The following KIR2DL1 variants were observed in gnomAD, a reference collection of about 807,000 sequenced individuals.
KIR2DL1 encodes killer cell immunoglobulin-like receptor 2DL1.
Under a neutral mutation model 33.9 loss-of-function variants are expected in KIR2DL1, and 38 were observed. That is an observed-to-expected ratio of 1.12 (90% CI 0.86 to 1.47). KIR2DL1 has a LOEUF of 1.47. Ranked by LOEUF, KIR2DL1 falls within the 40% of genes most tolerant of loss-of-function variation. The pLI, the probability that KIR2DL1 is intolerant of heterozygous loss-of-function variation, is 0.00. For missense variants in KIR2DL1, 531 were observed against 433.9 expected (o/e 1.22, Z -1.99); for synonymous variants, 179 against 165.9 (o/e 1.08, Z -0.61).
intron 3 of KIR2DL1, among the ~76,000 whole-genome samples, chr19:54,774,235 G>A (rs1374329811): frequency 2.0e-5 from 3 of 148,474 alleles, no homozygotes; most frequent in Non-Finnish European, 4.5e-5. Context: ...ATCAGTGAGA[G>A]GCACAGAGAG....
intron 4 of KIR2DL1, among the ~76,000 whole-genome samples, chr19:54,777,653 G>C (rs1344194465): frequency 2.1e-4 from 31 of 146,004 alleles, no homozygotes; most frequent in African/African-American, 6.8e-4. Context: ...ATTTTTAGCA[G>C]TGCTGAAGTT....
chr19:54,773,692 A>C (rs34434532), intron 3 of KIR2DL1, 60 bp downstream of exon 3: 454,216 of 1,439,230 alleles, frequency 0.32, 58,174 homozygotes, highest in South Asian at 0.46. Context: ...TGATCCAGGA[A>C]TTGGAGACCC....
In KIR2DL1 at chr19:54,783,999, C is replaced by T. The variant is rs1386521866; in HGVS notation, c.*186C>T. ...TCTTGCTTACAAATGTCTAAGGTCC[C>T]CACTGCCTGCTGGAGAAAAAACACA... On this transcript the variant is annotated 3_prime_UTR_variant, in exon 8 of 8. Transcript: ENST00000336077. 1.5e-5 allele frequency: 14 copies of T among 948,640 alleles called. No homozygotes were observed. The East Asian group carries it at 2.7e-4, about 18-fold the overall frequency. 58.8% of individuals were successfully genotyped at this position (948,640 alleles called of 1,614,324 possible).
At chr19:54,777,558 T>C (rs1251868187) in intron 4 of KIR2DL1, among the ~76,000 whole-genome samples, 3 of 149,694 alleles carry the variant, frequency 2.0e-5, no homozygotes, top group African/African-American at 4.9e-5. Context: ...GCTTCTTATA[T>C]TTCTAGTTAT....
chr19:54,776,137 G>A (rs1230781383), intron 4 of KIR2DL1, among the ~76,000 whole-genome samples: 2 of 144,264 alleles, frequency 1.4e-5, no homozygotes, highest in East Asian at 2.0e-4. Flanking sequence ...TGATCCACCC[G>A]CATCAGCCTC....
At chr19:54,772,670 C>G (rs2075876432) in intron 2 of KIR2DL1, among the ~76,000 whole-genome samples, 1 of 144,812 alleles carries the variant, frequency 6.9e-6, no homozygotes. Flanking sequence ...CACACCACTT[C>G]ACTCCAGCCT....
rs570930636 is a variant in KIR2DL1 at position 54,771,567 on chromosome 19, G to A, written c.70+683G>A. Among the ~76,000 whole-genome samples the A allele has an allele frequency of 6.1e-5, 9 of 147,226 alleles. 1 individual carries two copies. Among genetic ancestry groups the A allele is most frequent in the East Asian group, 1.9e-4 (1 of 5,130 alleles). ...CTTCAGAGCACAGGGAGGGAGGGGC[G>A]GCTCCACATCCTCCTCTCTAAGGCG... is the stretch of plus-strand genomic sequence containing the variant. On this transcript the variant is annotated intron_variant, in intron 2 of 7. Coordinates refer to ENST00000336077, the MANE Select transcript of KIR2DL1 (RefSeq NM_014218.3).
chr19:54,770,327 TGGAGTGGAGATATGGGCCA>T (rs1333556463), intron 1 of KIR2DL1, among the ~76,000 whole-genome samples: 2 of 134,152 alleles, frequency 1.5e-5, no homozygotes, highest in Admixed American at 7.5e-5. Flanking sequence ...TATCTGGGCC[TGGAGTGGAGATATGGGCCA>T]GGAGTGGAGA....
Position 54,775,660 on chromosome 19 carries a change from C to T in KIR2DL1, c.664+202C>T, listed in dbSNP as rs1247665156. Among the ~76,000 whole-genome samples the T allele has an allele frequency of 2.7e-5, 4 of 148,718 alleles. No homozygotes were observed. The South Asian group carries it at 6.4e-4, about 24-fold the overall frequency. ...CCTGCATGGAGGCCCACGGCCAGGG[C>T]TCCAGGCACCCAGGCAGATGGAGAA... On this transcript the variant is annotated intron_variant, in intron 4 of 7. Transcript: ENST00000336077.
Position 54,771,997 on chromosome 19 carries a change from T to A in KIR2DL1, c.70+1113T>A, listed in dbSNP as rs1319259994. 1.4e-5 allele frequency among the ~76,000 whole-genome samples: 2 copies of A among 147,818 alleles called. 1 individual carries two copies. The highest frequency in any genetic ancestry group is 3.0e-5 in the Non-Finnish European group (2 of 66,010). ...TCCCATCATGCAAGTCCTGACTGTA[T>A]TTGGGGTAAAGGGGGATTGAATACA... On this transcript the variant is annotated intron_variant, in intron 2 of 7. Coordinates refer to ENST00000336077, the MANE Select transcript of KIR2DL1 (RefSeq NM_014218.3).
At chr19:54,783,172 C>A in intron 6 of KIR2DL1, 149 bp downstream of exon 6, 1 of 906,254 alleles carries the variant, frequency 1.1e-6, no homozygotes, top group Non-Finnish European at 1.7e-6. Context: ...GGGCACCAGA[C>A]TCCCTGTCCC....
At position 54,783,980 on chromosome 19, in the gene KIR2DL1, T is replaced by C; in HGVS notation, c.*167T>C. 4 of 1,074,550 alleles carry C rather than the reference T, an allele frequency of 3.7e-6. No individual in the cohort carries two copies. Among genetic ancestry groups the C allele is most frequent in the Non-Finnish European group, 5.6e-6 (4 of 712,808 alleles). 66.6% of individuals were successfully genotyped at this position (1,074,550 alleles called of 1,614,324 possible). On this transcript the variant is annotated 3_prime_UTR_variant, in exon 8 of 8. Coordinates refer to ENST00000336077, the MANE Select transcript of KIR2DL1 (RefSeq NM_014218.3). ...AAATCTGAATGTGCCTCTCTCTTGC[T>C]TACAAATGTCTAAGGTCCCCACTGC...
rs150580082 is a variant in KIR2DL1, at chr19:54,775,415, C to T, written c.621C>T (p.Tyr207=). 1,342 of 1,583,928 alleles carry T rather than the reference C, an allele frequency of 8.5e-4. 9 individuals are homozygous for T. The African/African-American group carries it at 0.014, about 16-fold the overall frequency. The change falls in exon 4 of 8, where the codon TAC becomes TAT. Residue 207 remains tyrosine (Y), a synonymous_variant. Coordinates refer to ENST00000336077, the MANE Select transcript of KIR2DL1 (RefSeq NM_014218.3). ...RCFGSFHDSP[Y]EWSKSSDPLL... is the part of the protein sequence containing the mutation. Reference sequence around the variant, plus strand: ...TCGGCTCTTTCCATGACTCTCCATACGAGTGGTCAAAGTCAAGTGACCCAC... The same window carrying T: ...TCGGCTCTTTCCATGACTCTCCATATGAGTGGTCAAAGTCAAGTGACCCAC...
At chr19:54,777,936 C>G (rs1324638272) in intron 4 of KIR2DL1, among the ~76,000 whole-genome samples, 1 of 148,144 alleles carries the variant, frequency 6.8e-6, no homozygotes, top group South Asian at 2.1e-4. Context: ...CTGTCCTTTC[C>G]TGATTGTGAG....
intron 3 of KIR2DL1, 108 bp downstream of exon 3, chr19:54,773,740 G>T: frequency 1.7e-6 from 2 of 1,204,804 alleles, no homozygotes. Context: ...TATTCTTATG[G>T]AGAGAGACTG....
intron 6 of KIR2DL1, 111 bp downstream of exon 6, chr19:54,783,134 C>A: frequency 1.6e-6 from 2 of 1,228,798 alleles, no homozygotes; most frequent in Non-Finnish European, 2.3e-6. Flanking sequence ...CCCAAGGCAG[C>A]AGCCACAGAG....
chr19:54,783,919 G>T lies in KIR2DL1; in HGVS notation c.*106G>T. On this transcript the variant is annotated 3_prime_UTR_variant, in exon 8 of 8. Coordinates refer to ENST00000336077, the MANE Select transcript of KIR2DL1 (RefSeq NM_014218.3). ...CAGCAGCTGGAATCTGAAGGCGTGA[G>T]TCTGCATCTTAGGGCATCGATCTTC... 1.4e-6 allele frequency: 2 copies of T among 1,479,292 alleles called. No homozygotes were observed. The highest frequency in any genetic ancestry group is 4.5e-5 in the East Asian group (2 of 44,254). 91.6% of individuals were successfully genotyped at this position (1,479,292 alleles called of 1,614,324 possible).
chr19:54,770,928 G>A, intron 2 of KIR2DL1, 44 bp downstream of exon 2: 1 of 1,575,450 alleles, frequency 6.3e-7, no homozygotes, highest in South Asian at 1.1e-5. Context: ...CCCCACATAA[G>A]AGGATTTTCC....
At chr19:54,770,925 T>C in intron 2 of KIR2DL1, 41 bp downstream of exon 2, 2 of 1,575,684 alleles carry the variant, frequency 1.3e-6, no homozygotes, top group East Asian at 4.5e-5. Context: ...TCTCCCCACA[T>C]AAGAGGATTT....
Sources: allele counts gnomAD v4.1 joint callset (sites outside exome capture counted in the v4.1 genomes callset), GRCh38; gene constraint gnomAD v4.1.1; transcripts MANE v1.5; gene names NCBI Gene and HGNC (gene_info 2026-07-23, HGNC 2026-07-21).